CASS4: variants seen among roughly 807,000 people sequenced by gnomAD.
The protein encoded by CASS4 is cas scaffolding protein family member 4.
Under a neutral mutation model 54.2 loss-of-function variants are expected in CASS4, and 22 were observed. That is an observed-to-expected ratio of 0.41 (90% CI 0.29 to 0.58). The LOEUF (loss-of-function observed/expected upper bound fraction) is 0.58, where lower values mean the gene tolerates loss of function less well. Among genes scored for constraint, CASS4 ranks in the 20% least tolerant of loss-of-function variants. CASS4 has a pLI of 0.36. For missense variants in CASS4, 854 were observed against 986.7 expected, an observed-to-expected ratio of 0.87 and a Z score of 1.80; for synonymous variants, 409 against 391.5, an observed-to-expected ratio of 1.04 and a Z score of -0.53.
At chr20:56,419,360 T>G (rs975620691) in intron 1 of CASS4, among the ~76,000 whole-genome samples, 2 of 152,286 alleles carry the variant, frequency 1.3e-5, no homozygotes, top group Admixed American at 1.3e-4. Context: ...ACGAAAAGCA[T>G]AGTCGACACT....
At chr20:56,446,081 C>T in intron 3 of CASS4, 80 bp downstream of exon 3, 1 of 907,240 alleles carries the variant, frequency 1.1e-6, no homozygotes, top group Non-Finnish European at 1.7e-6. Context: ...GCCCACATTG[C>T]ATTTCAGCAT....
At chr20:56,453,298 T>A in intron 5 of CASS4, 169 bp downstream of exon 5, 1 of 599,324 alleles carries the variant, frequency 1.7e-6, no homozygotes, top group Non-Finnish European at 2.9e-6. Flanking sequence ...GAAATCTTAT[T>A]AACAAGTCAG....
rs1850247917 is a variant in CASS4, at chr20:56,414,816, G to A, written c.36+2322G>A. On this transcript the variant is annotated intron_variant, in intron 1 of 5. Coordinates refer to ENST00000679887, the MANE Select transcript of CASS4 (RefSeq NM_020356.4). The surrounding 1 kb of genome is among the most constrained non-coding windows in gnomAD (Gnocchi z 4.1). The stretch of plus-strand genomic sequence containing the variant: ...AAAAAAATTAGCTGGGCATAGTGGT[G>A]CACGTCTGTATTCCCAGCTACTCGG... 6.6e-6 allele frequency among the ~76,000 whole-genome samples: 1 copy of A among 152,114 alleles called. No individual in the cohort carries two copies. The highest frequency in any genetic ancestry group is 2.4e-5 in the African/African-American group (1 of 41,402).
chr20:56,433,957 A>C (rs559475897), intron 1 of CASS4, among the ~76,000 whole-genome samples: 1 of 152,210 alleles, frequency 6.6e-6, no homozygotes, highest in Non-Finnish European at 1.5e-5. Flanking sequence ...CCTCAGCGGC[A>C]TGAGGGCTGC....
At chr20:56,433,538 T>C (rs1028466464) in intron 1 of CASS4, among the ~76,000 whole-genome samples, 1 of 152,100 alleles carries the variant, frequency 6.6e-6, no homozygotes. Flanking sequence ...TGATCAAAAT[T>C]TGTGTCCCTG....
Position 56,452,724 on chromosome 20 carries a change from T to C in CASS4, c.1548T>C (p.Ile516=), listed in dbSNP as rs564505566. ...CTGACAGTAACCTTCAGAACAGAAT[T>C]CGGGACCAGATGCAGACCATCTCCA... The part of the protein sequence containing the change: ...NLTDSNLQNR[I]RDQMQTISNS... Residue 516 remains isoleucine, a synonymous_variant, in exon 5 of 6, where the codon ATT becomes ATC. Transcript: ENST00000679887. 162 of 1,614,042 alleles carry C rather than the reference T, an allele frequency of 1.0e-4. No individual in the cohort carries two copies. The East Asian group carries it at 2.5e-3, about 24-fold the overall frequency.
chr20:56,452,446 T>C lies in CASS4; in HGVS notation c.1270T>C (p.Ser424Pro). 6.2e-7 allele frequency: 1 copy of C among 1,613,912 alleles called. No homozygotes were observed. The highest frequency in any genetic ancestry group is 8.5e-7 in the Non-Finnish European group (1 of 1,179,916). Residue 424 changes from serine to proline, a missense_variant, in exon 5 of 6, where the codon TCT becomes CCT. Coordinates refer to ENST00000679887, the MANE Select transcript of CASS4 (RefSeq NM_020356.4). Reference protein sequence around the residue: ...STTSTDDSSSSSSEESAKELS... With the variant: ...STTSTDDSSSPSSEESAKELS... ...CACATCCACCGACGACTCCTCCAGC[T>C]CTTCCTCGGAGGAGTCAGCAAAGGA...
chr20:56,449,909 G>A (rs1267176216), intron 3 of CASS4, among the ~76,000 whole-genome samples: 1 of 152,046 alleles, frequency 6.6e-6, no homozygotes, highest in Non-Finnish European at 1.5e-5. Flanking sequence ...GACATATTAG[G>A]TCTCAGTCTC....
chr20:56,455,448 T>G (rs1001921569), intron 5 of CASS4, among the ~76,000 whole-genome samples: 33 of 152,206 alleles, frequency 2.2e-4, no homozygotes, highest in Admixed American at 3.9e-4. Flanking sequence ...TAAGGTCATG[T>G]ACCTTCTCAG....
chr20:56,433,902 A>T, intron 1 of CASS4, among the ~76,000 whole-genome samples: 1 of 152,220 alleles, frequency 6.6e-6, no homozygotes, highest in East Asian at 1.9e-4. Context: ...AAAAGTGGGT[A>T]CAGCAGGGAG....
At position 56,412,331 on chromosome 20, in the gene CASS4, T is replaced by C; in HGVS notation, c.-128T>C. On this transcript the variant is annotated 5_prime_UTR_variant, in exon 1 of 6. Coordinates refer to ENST00000679887, the MANE Select transcript of CASS4 (RefSeq NM_020356.4). The surrounding 1 kb of genome is among the most constrained non-coding windows in gnomAD (Gnocchi z 4.2). Reference sequence around the variant, plus strand: ...GTCTTTTTGATCGTTTCCCATGTGTTGTCAGATAGCTCCATAGAATTCAGT... The same window carrying C: ...GTCTTTTTGATCGTTTCCCATGTGTCGTCAGATAGCTCCATAGAATTCAGT... 1.0e-6 allele frequency: 1 copy of C among 994,658 alleles called. No individual in the cohort carries two copies. Among genetic ancestry groups the C allele is most frequent in the Non-Finnish European group, 1.5e-6 (1 of 651,754 alleles). 61.6% of individuals were successfully genotyped at this position (994,658 alleles called of 1,614,324 possible). A position where few individuals can be genotyped will look rare whatever the true frequency, so the allele number is the denominator to read the frequency against.
chr20:56,454,855 G>A (rs995732452), intron 5 of CASS4, among the ~76,000 whole-genome samples: 8 of 152,190 alleles, frequency 5.3e-5, no homozygotes, highest in East Asian at 1.9e-4. Context: ...GCGAGAGTTC[G>A]TTTTTGTGAT....
At position 56,453,080 on chromosome 20, in the gene CASS4, A is replaced by T. The variant is rs1200353902; in HGVS notation, c.1904A>T (p.Glu635Val). The T allele has an allele frequency of 1.2e-6, 2 of 1,614,118 alleles. No individual in the cohort carries two copies. The highest frequency in any genetic ancestry group is 3.3e-5 in the Admixed American group (2 of 60,020). ...STPSTKQRED[E>V]HSSELLKKNR... ...CCTTCCACTAAGCAAAGGGAAGATGAACACTCTTCTGAACTATTAAAGAAA... is the reference window on the plus strand; with the variant it reads ...CCTTCCACTAAGCAAAGGGAAGATGTACACTCTTCTGAACTATTAAAGAAA... The change falls in exon 5 of 6, where the codon GAA becomes GTA. Residue 635 changes from glutamate to valine, a missense_variant. Transcript: ENST00000679887.
At chr20:56,445,244 G>A (rs903049411) in intron 2 of CASS4, among the ~76,000 whole-genome samples, 2 of 151,458 alleles carry the variant, frequency 1.3e-5, no homozygotes, top group Admixed American at 6.6e-5. Flanking sequence ...CCCCTCCCTC[G>A]CTCCTCTCCA....
In CASS4 at chr20:56,412,483, T is replaced by C. The variant is rs1978927326; in HGVS notation, c.25T>C (p.Cys9Arg). The C allele has an allele frequency of 1.2e-6, 2 of 1,612,694 alleles. No homozygotes were observed. The highest frequency in any genetic ancestry group is 2.2e-5 in the South Asian group (2 of 90,636). ...CATGAAGGGAACAGGCATCATGGAC[T>C]GTGCGCCCAAGGTGAGTGATGTGGG... The part of the protein sequence containing the change: MKGTGIMD[C>R]APKALLARAL... Residue 9 changes from cysteine to arginine, a missense_variant, in exon 1 of 6, where the codon TGT becomes CGT. Physicochemically the swap from Cys to Arg is radical, Grantham distance 180 (BLOSUM62 -3). Transcript: ENST00000679887. The surrounding 1 kb of genome is among the most constrained non-coding windows in gnomAD (Gnocchi z 4.2).
chr20:56,447,714 C>T (rs1476919103), intron 3 of CASS4, among the ~76,000 whole-genome samples: 2 of 152,206 alleles, frequency 1.3e-5, no homozygotes, highest in African/African-American at 4.8e-5. Context: ...GCCACATCCT[C>T]GTGACATTCC....
At chr20:56,445,108 C>T (rs1980644053) in intron 2 of CASS4, among the ~76,000 whole-genome samples, 1 of 144,882 alleles carries the variant, frequency 6.9e-6, no homozygotes, top group South Asian at 2.1e-4. Context: ...GAAGATCCAT[C>T]TCAAAAAAAA....
In CASS4 at chr20:56,459,077, G is replaced by A. The variant is rs1260013057; in HGVS notation, c.*330G>A. On this transcript the variant is annotated 3_prime_UTR_variant, in exon 6 of 6. Transcript: ENST00000679887. Reference sequence around the variant, plus strand: ...TGTTTTGTTTGTTTTTTGAGACAAAGTCTCACTCTGTCACACAGGCTGGAG... The same window carrying A: ...TGTTTTGTTTGTTTTTTGAGACAAAATCTCACTCTGTCACACAGGCTGGAG... 3 of 219,794 alleles carry A rather than the reference G, an allele frequency of 1.4e-5. No individual in the cohort carries two copies. The highest frequency in any genetic ancestry group is 2.8e-5 in the Non-Finnish European group (3 of 108,854). The allele number at this position is 219,794 out of a possible 1,614,324, so 13.6% of individuals were successfully genotyped here.
At chr20:56,436,306 A>G (rs905369595) in intron 1 of CASS4, among the ~76,000 whole-genome samples, 50 of 151,504 alleles carry the variant, frequency 3.3e-4, no homozygotes, top group Non-Finnish European at 6.5e-4. Context: ...ACCCATATGT[A>G]TACACAATAT....
Sources: gnomAD v4.1 joint callset for allele counts (sites outside exome capture counted in the v4.1 genomes callset) on GRCh38, gnomAD v4.1.1 for gene constraint, Gnocchi (gnomAD v3.1) non-coding constraint, MANE v1.5 for transcripts, NCBI Gene and HGNC (gene_info 2026-07-23, HGNC 2026-07-21) for gene names.